Variants in NRG1 observed in about 807,000 individuals in gnomAD.
NRG1 encodes the protein pro-neuregulin-1, membrane-bound isoform.
NRG1 carries 18 observed loss-of-function variants against 63.8 expected under a neutral mutation model. That is an observed-to-expected ratio of 0.28 (90% CI 0.19 to 0.42). NRG1 has a LOEUF of 0.42. NRG1 is among the 10% of genes least tolerant of loss of function. NRG1 has a pLI of 1.00. For missense variants in NRG1, 762 were observed against 814.7 expected (o/e 0.94, Z 0.79); for synonymous variants, 302 against 301.3 (o/e 1.00, Z -0.02).
intron 1 of NRG1, among the ~76,000 whole-genome samples, chr8:31,895,961 CT>C (rs906970329): frequency 6.6e-6 from 1 of 152,138 alleles, no homozygotes; most frequent in Admixed American, 6.6e-5. Context: ...TATATATATG[CT>C]TTAAAGTTCA....
chr8:31,712,493 C>G (rs1248196323), intron 1 of NRG1, among the ~76,000 whole-genome samples: 1 of 152,090 alleles, frequency 6.6e-6, no homozygotes, highest in East Asian at 1.9e-4. Context: ...TGGTCTCGAT[C>G]TCCTGACCTT....
intron 1 of NRG1, among the ~76,000 whole-genome samples, chr8:32,384,758 C>T (rs1810770724): frequency 6.6e-6 from 1 of 152,222 alleles, no homozygotes. Flanking sequence ...TGTTATAAAC[C>T]TAGGTTATTT....
Position 32,370,857 on chromosome 8 carries a change from CAAAAAAAAAA to C in NRG1, c.38-224954_38-224945del, listed in dbSNP as rs570354347. Among the ~76,000 whole-genome samples the C allele has an allele frequency of 2.4e-3, 126 of 52,042 alleles. 1 individual carries two copies. The highest frequency in any genetic ancestry group is 9.4e-3 in the African/African-American group (108 of 11,468). The allele number at this position is 52,042 out of a possible 152,430, so 34.1% of individuals were successfully genotyped here. On this transcript the variant is annotated intron_variant, in intron 1 of 10. Transcript: ENST00000519301. The stretch of plus-strand genomic sequence containing the variant: ...AGGATGACAGAGTGAGACTCTGTCT[CAAAAAAAAAA>C]AAAAAAAAAAAAAAAAGACAACAAC...
intron 1 of NRG1, among the ~76,000 whole-genome samples, chr8:31,717,349 G>A (rs1812452694): frequency 6.7e-6 from 1 of 150,286 alleles, no homozygotes; most frequent in Admixed American, 6.6e-5. Context: ...GGTGGCTGCA[G>A]TGAGCCAAGA....
chr8:32,362,871 T>C (rs1468520031), intron 1 of NRG1, among the ~76,000 whole-genome samples: 3 of 152,164 alleles, frequency 2.0e-5, no homozygotes, highest in Non-Finnish European at 4.4e-5. Flanking sequence ...ATGTGACAGA[T>C]ACTCATGAGA....
chr8:32,760,594 C>G (rs1830515439), intron 11 of NRG1, 188 bp downstream of exon 11: 2 of 1,398,336 alleles, frequency 1.4e-6, no homozygotes, highest in Non-Finnish European at 1.9e-6. Context: ...CTGAGCTTCT[C>G]TCGTCGTCCC....
chr8:32,340,442 C>T (rs1803926392), intron 1 of NRG1, among the ~76,000 whole-genome samples: 2 of 152,188 alleles, frequency 1.3e-5, no homozygotes, highest in Admixed American at 1.3e-4. Context: ...CGATTTCTGT[C>T]TCTTTCCACC....
At chr8:32,060,285 T>A (rs1012763894) in intron 1 of NRG1, among the ~76,000 whole-genome samples, 2 of 151,888 alleles carry the variant, frequency 1.3e-5, no homozygotes, top group Non-Finnish European at 1.5e-5. Flanking sequence ...CTTTTTTTTT[T>A]ATCTAATAGA....
chr8:31,932,930 G>A (rs431492), intron 1 of NRG1, among the ~76,000 whole-genome samples: 7,409 of 152,232 alleles, frequency 0.049, 593 homozygotes, highest in African/African-American at 0.17. Flanking sequence ...TAATGCAAAT[G>A]TAAGGCATTC....
chr8:32,325,238 G>C (rs1801855171), intron 1 of NRG1, among the ~76,000 whole-genome samples: 1 of 152,104 alleles, frequency 6.6e-6, no homozygotes. Context: ...TGTTTTACTA[G>C]GCTTTATAGC....
intron 1 of NRG1, among the ~76,000 whole-genome samples, chr8:31,865,774 G>A (rs752682102): frequency 2.0e-4 from 31 of 152,082 alleles, no homozygotes; most frequent in Non-Finnish European, 7.4e-5. Flanking sequence ...CCAGTCTCAG[G>A]TATTTCTTCA....
At chr8:31,650,853 A>T (rs1406377747) in intron 1 of NRG1, among the ~76,000 whole-genome samples, 1 of 152,150 alleles carries the variant, frequency 6.6e-6, no homozygotes. Context: ...AATCCTTTCC[A>T]CTTTCAGCTT....
chr8:32,270,234 T>C (rs989111042), intron 1 of NRG1, among the ~76,000 whole-genome samples: 2 of 152,204 alleles, frequency 1.3e-5, no homozygotes, highest in African/African-American at 4.8e-5. Flanking sequence ...ATATGTCATG[T>C]GGAGTCATGA....
intron 1 of NRG1, among the ~76,000 whole-genome samples, chr8:32,426,014 GC>G (rs1281331554): frequency 6.6e-6 from 1 of 152,114 alleles, no homozygotes; most frequent in Non-Finnish European, 1.5e-5. Context: ...CTACATAATG[GC>G]TATAAAGAAA....
intron 1 of NRG1, among the ~76,000 whole-genome samples, chr8:32,572,398 A>G (rs2466098): frequency 0.54 from 82,511 of 151,980 alleles, 22,695 homozygotes; most frequent in East Asian, 0.83. Flanking sequence ...CTAAGATATC[A>G]TTTAAAATTT....
rs185036312 is a variant in NRG1 at position 32,345,751 on chromosome 8, T to C, written c.38-250077T>C. ...TAGCGAGACTGAGGCGGGTGGATCA[T>C]TTGAGGTCAGGAGTTCGAGACCAGC... On this transcript the variant is annotated intron_variant, in intron 1 of 10. Transcript: ENST00000519301. 3.3e-5 allele frequency among the ~76,000 whole-genome samples: 5 copies of C among 151,948 alleles called. No homozygotes were observed. In the East Asian group the frequency reaches 9.6e-4, roughly 29 times the overall value.
intron 1 of NRG1, among the ~76,000 whole-genome samples, chr8:31,820,300 G>A (rs960605992): frequency 6.6e-5 from 10 of 152,210 alleles, no homozygotes; most frequent in African/African-American, 2.4e-4. Context: ...AGGGCAGCTG[G>A]GCACATCTGC....
chr8:32,513,177 G>A (rs924603065), intron 1 of NRG1, among the ~76,000 whole-genome samples: 5 of 146,656 alleles, frequency 3.4e-5, no homozygotes, highest in Non-Finnish European at 7.4e-5. Context: ...GCTGGTGTGT[G>A]TGTGTGTGTG....
chr8:31,919,587 G>A (rs1833725120), intron 1 of NRG1, among the ~76,000 whole-genome samples: 2 of 152,056 alleles, frequency 1.3e-5, no homozygotes, highest in African/African-American at 4.8e-5. Context: ...ACATATTACT[G>A]AAACTTAATT....
Sources: gnomAD v4.1 joint callset for allele counts (sites outside exome capture counted in the v4.1 genomes callset) on GRCh38, gnomAD v4.1.1 for gene constraint, MANE v1.5 for transcripts, NCBI Gene and HGNC (gene_info 2026-07-23, HGNC 2026-07-21) for gene names.